Variants in POLM observed in about 807,000 individuals in gnomAD.
POLM encodes DNA polymerase mu.
POLM carries 52 observed loss-of-function variants against 56.7 expected under a neutral mutation model. That is an observed-to-expected ratio of 0.92 (90% CI 0.73 to 1.15). The LOEUF (loss-of-function observed/expected upper bound fraction) is 1.15, where lower values mean the gene tolerates loss of function less well. Ranked by LOEUF, POLM falls within the 50% of genes most tolerant of loss-of-function variation. POLM has a pLI of 0.00. For missense variants in POLM, 660 were observed against 663.6 expected (o/e 0.99, Z 0.06); for synonymous variants, 273 against 274.3 (o/e 1.00, Z 0.05).
chr7:44,073,237 G>A lies in POLM; in HGVS notation c.*54C>T. Reference sequence around the variant, plus strand: ...CATATCTGCCTGGAGACATTCAGTGGCCAGGTTGGGGGCAGCCCAATTTCC... The same window carrying A: ...CATATCTGCCTGGAGACATTCAGTGACCAGGTTGGGGGCAGCCCAATTTCC... On this transcript the variant is annotated 3_prime_UTR_variant, in exon 11 of 11. Coordinates refer to ENST00000242248, the MANE Select transcript of POLM (RefSeq NM_013284.4). 1 of 1,613,968 alleles carries A rather than the reference G, an allele frequency of 6.2e-7. No individual in the cohort carries two copies.
chr7:44,076,414 C>T, intron 6 of POLM, 95 bp downstream of exon 6: 1 of 1,525,448 alleles, frequency 6.6e-7, no homozygotes, highest in South Asian at 1.2e-5. Context: ...AAACCCTCTG[C>T]ACCAGACTGC....
In POLM at chr7:44,082,232, G is replaced by A. The variant is rs907018695; in HGVS notation, c.188+19C>T. 8 of 1,429,408 alleles carry A rather than the reference G, an allele frequency of 5.6e-6. No individual in the cohort carries two copies. The highest frequency in any genetic ancestry group is 7.3e-6 in the Non-Finnish European group (8 of 1,097,748). The allele number at this position is 1,429,408 out of a possible 1,614,324, so 88.5% of individuals were successfully genotyped here. A position where few individuals can be genotyped will look rare whatever the true frequency, so the allele number is the denominator to read the frequency against. On this transcript the variant is annotated intron_variant, in intron 1 of 10. Transcript: ENST00000242248. ...CAGAAGTGCCATGGAAGCCCTCGCC[G>A]CGCCGCGCCGCCCCGCACCTGCAGG... is the stretch of plus-strand genomic sequence containing the variant.
chr7:44,079,928 G>A lies in POLM; in HGVS notation c.404C>T (p.Pro135Leu), dbSNP rs200379455. The change falls in exon 3 of 11, where the codon CCA (proline) becomes CTA (leucine). Residue 135 changes from proline (P) to leucine (L), a missense_variant. Physicochemically the swap from Pro to Leu is moderately conservative, Grantham distance 98. Coordinates refer to ENST00000242248, the MANE Select transcript of POLM (RefSeq NM_013284.4). ...GCAGGCATAGGCAGGCATCCATGCT[G>A]GGCTCAGAGGCCCCTTCCTTGGCCC... Reference protein sequence around the residue: ...VAGPRKGPLSPAWMPAYACQR... With the variant: ...VAGPRKGPLSLAWMPAYACQR... 6.2e-7 allele frequency: 1 copy of A among 1,613,870 alleles called. No homozygotes were observed. The highest frequency in any genetic ancestry group is 1.3e-5 in the African/African-American group (1 of 75,036).
rs145510390 is a variant in POLM, at chr7:44,076,516, C to T, written c.828G>A (p.Gln276=). Residue 276 remains glutamine, a synonymous_variant, in exon 6 of 11, where the codon CAG becomes CAA. Coordinates refer to ENST00000242248, the MANE Select transcript of POLM (RefSeq NM_013284.4). ...REQPQKLTQQ[Q]KAGLQHHQDL... ...CCTCTCTGGAGGGCTCACCCGCTTT[C>T]TGCTGTTGGGTTAGTTTCTGGGGCT... The T allele has an allele frequency of 4.2e-5, 67 of 1,613,894 alleles. No individual in the cohort carries two copies. The highest frequency in any genetic ancestry group is 5.5e-5 in the Non-Finnish European group (65 of 1,179,998).
chr7:44,080,014 C>A, intron 2 of POLM, 55 bp from the exon 3 acceptor site: 1 of 1,298,342 alleles, frequency 7.7e-7, no homozygotes, highest in Middle Eastern at 2.5e-4. Flanking sequence ...GCAGGAGAGC[C>A]AGGCCGTACT....
chr7:44,073,912 T>C lies in POLM; in HGVS notation c.1185A>G (p.Pro395=), dbSNP rs765368695. 2 of 1,614,150 alleles carry C rather than the reference T, an allele frequency of 1.2e-6. No homozygotes were observed. The highest frequency in any genetic ancestry group is 8.5e-7 in the Non-Finnish European group (1 of 1,180,008). The part of the protein sequence containing the change: ...FERSFCIFRL[P]QPPGAAVGGS... ...CCCCCACAGCAGCCCCTGGAGGTTG[T>C]GGTAGGCGGAAAATGCAGAAACTTC... Residue 395 remains proline, a synonymous_variant, in exon 9 of 11, where the codon CCA becomes CCG. Coordinates refer to ENST00000242248, the MANE Select transcript of POLM (RefSeq NM_013284.4).
rs1306186362 is a variant in POLM at position 44,076,512 on chromosome 7, C to T, written c.832G>A (p.Ala278Thr). The change falls in exon 6 of 11, where the codon GCG becomes ACG. Residue 278 changes from alanine to threonine, a missense_variant. Coordinates refer to ENST00000242248, the MANE Select transcript of POLM (RefSeq NM_013284.4). ...QPQKLTQQQK[A>T]GLQHHQDLST... is the part of the protein sequence containing the mutation. ...CCAGCCTCTCTGGAGGGCTCACCCG[C>T]TTTCTGCTGTTGGGTTAGTTTCTGG... is the stretch of plus-strand genomic sequence containing the variant. 6.2e-6 allele frequency: 10 copies of T among 1,613,834 alleles called. No individual in the cohort carries two copies. Among genetic ancestry groups the T allele is most frequent in the Middle Eastern group, 1.6e-4 (1 of 6,082 alleles).
At chr7:44,081,011 G>C in intron 1 of POLM, 95 bp from the exon 2 acceptor site, 2 of 1,063,008 alleles carry the variant, frequency 1.9e-6, no homozygotes, top group Non-Finnish European at 1.3e-6. Context: ...CTTCTGCATG[G>C]TAAGTGACCA....
intron 6 of POLM, 26 bp from the exon 7 acceptor site, chr7:44,074,556 C>G (rs1379921389): frequency 6.6e-7 from 1 of 1,523,734 alleles, no homozygotes; most frequent in Non-Finnish European, 8.8e-7. Context: ...GCCCTCCTGA[C>G]TCACCCAGCC....
In POLM at chr7:44,072,976, C is replaced by T; in HGVS notation, c.*315G>A. 2.5e-6 allele frequency: 2 copies of T among 785,462 alleles called. No individual in the cohort carries two copies. The highest frequency in any genetic ancestry group is 3.0e-5 in the Admixed American group (1 of 33,364). The allele number at this position is 785,462 out of a possible 1,614,324, so 48.7% of individuals were successfully genotyped here. On this transcript the variant is annotated 3_prime_UTR_variant, in exon 11 of 11. Coordinates refer to ENST00000242248, the MANE Select transcript of POLM (RefSeq NM_013284.4). Reference sequence around the variant, plus strand: ...ACTTGCCATTCATGACTGCAGGCCCCACCACAGCTCCACGATGTGGGCCCC... The same window carrying T: ...ACTTGCCATTCATGACTGCAGGCCCTACCACAGCTCCACGATGTGGGCCCC...
chr7:44,072,805 G>A lies in POLM; in HGVS notation c.*486C>T, dbSNP rs2096172076. On this transcript the variant is annotated 3_prime_UTR_variant, in exon 11 of 11. Coordinates refer to ENST00000242248, the MANE Select transcript of POLM (RefSeq NM_013284.4). ...CAGCACACCAGACAGTAGGCTCCTT[G>A]CTGGCACGAACCACAGCCTCCAGCT... 1 of 336,448 alleles carries A rather than the reference G, an allele frequency of 3.0e-6. No individual in the cohort carries two copies. The highest frequency in any genetic ancestry group is 5.4e-6 in the Non-Finnish European group (1 of 184,286). 20.8% of individuals were successfully genotyped at this position (336,448 alleles called of 1,614,324 possible). A position where few individuals can be genotyped will look rare whatever the true frequency, so the allele number is the denominator to read the frequency against.
In POLM at chr7:44,080,961, G is replaced by A. The variant is rs1157304964; in HGVS notation, c.189-45C>T. On this transcript the variant is annotated intron_variant, in intron 1 of 10. Transcript: ENST00000242248. ...GAGAAGGAGGAGGGTGAGGCCCAGA[G>A]CCCGTCCTGGTTGGCTCCAAGCCTT... 2.0e-6 allele frequency: 3 copies of A among 1,499,742 alleles called. No homozygotes were observed. The South Asian group carries it at 3.9e-5, about 20-fold the overall frequency. 92.9% of individuals were successfully genotyped at this position (1,499,742 alleles called of 1,614,324 possible).
chr7:44,079,534 C>CACACCCAG, intron 4 of POLM, 37 bp downstream of exon 4: 1 of 1,388,464 alleles, frequency 7.2e-7, no homozygotes, highest in Non-Finnish European at 1.0e-6. Context: ...GGCCTCCCCA[C>CACACCCAG]CCACCCACTC....
At position 44,078,736 on chromosome 7, in the gene POLM, G is replaced by T. The variant is rs768350040; in HGVS notation, c.714+4C>A. 41 of 1,612,878 alleles carry T rather than the reference G, an allele frequency of 2.5e-5. No homozygotes were observed. The highest frequency in any genetic ancestry group is 3.3e-5 in the Non-Finnish European group (39 of 1,179,124). On this transcript the variant is annotated splice_donor_region_variant and intron_variant, in intron 5 of 10. Coordinates refer to ENST00000242248, the MANE Select transcript of POLM (RefSeq NM_013284.4). ...GGGGTAGGTCCGAGCCCTGCCCTGC[G>T]CACCTTCATGGTCTGGTACCTCTCT...
rs1321860731 is a variant in POLM at position 44,082,416 on chromosome 7, G to A, written c.23C>T (p.Ala8Val). The A allele has an allele frequency of 1.4e-6, 2 of 1,463,092 alleles. No homozygotes were observed. The highest frequency in any genetic ancestry group is 5.7e-5 in the East Asian group (2 of 35,198). 90.6% of individuals were successfully genotyped at this position (1,463,092 alleles called of 1,614,324 possible). The change falls in exon 1 of 11, where the codon GCG (alanine) becomes GTG (valine). Residue 8 changes from alanine (A) to valine (V), a missense_variant. Ala to Val is a moderately conservative substitution (Grantham distance 64). Transcript: ENST00000242248. The part of the protein sequence containing the change: MLPKRRR[A>V]RVGSPSGDAA... ...ATCGCCGCTAGGGGACCCGACCCGC[G>A]CTCGCCGCCGTTTGGGGAGCATTGG...
intron 2 of POLM, 127 bp from the exon 3 acceptor site, chr7:44,080,086 G>A: frequency 5.7e-6 from 4 of 700,566 alleles, no homozygotes; most frequent in Non-Finnish European, 1.0e-5. Context: ...GACAGAGGTG[G>A]GCAACAAAAC....
At chr7:44,076,350 T>A in intron 6 of POLM, 159 bp downstream of exon 6, 2 of 795,072 alleles carry the variant, frequency 2.5e-6, no homozygotes, top group Non-Finnish European at 4.0e-6. Flanking sequence ...CTTTGATAGA[T>A]CCTGACTGCA....
At chr7:44,074,686 G>A (rs1482700504) in intron 6 of POLM, among the ~76,000 whole-genome samples, 156 bp from the exon 7 acceptor site, 1 of 152,242 alleles carries the variant, frequency 6.6e-6, no homozygotes, top group Non-Finnish European at 1.5e-5. Context: ...AGCAGAGTGA[G>A]ATCCCAATCT....
intron 2 of POLM, chr7:44,080,282 G>A (rs2096195994): frequency 1.9e-6 from 1 of 530,986 alleles, no homozygotes; most frequent in African/African-American, 1.9e-5. Context: ...CTGAGGCCTT[G>A]GAGGCTAGGG....
Sources: gnomAD v4.1 joint callset for allele counts (sites outside exome capture counted in the v4.1 genomes callset) on GRCh38, gnomAD v4.1.1 for gene constraint, MANE v1.5 for transcripts, NCBI Gene and HGNC (gene_info 2026-07-23, HGNC 2026-07-21) for gene names.